Variants in HTRA1 observed in about 807,000 individuals in gnomAD.
The protein encoded by HTRA1 is HtrA serine peptidase 1, also known as serine protease HTRA1.
In HTRA1, 26 loss-of-function variants were observed where a neutral mutation model predicts 49.7. The ratio of observed to expected loss-of-function variants is 0.52; its 90% CI spans 0.38 to 0.73. The LOEUF (loss-of-function observed/expected upper bound fraction) is 0.73, where lower values mean the gene tolerates loss of function less well. HTRA1 is among the 30% of genes least tolerant of loss of function. The pLI, the probability that HTRA1 is intolerant of heterozygous loss-of-function variation, is 0.00. For missense variants in HTRA1, 561 were observed against 667.2 expected (o/e 0.84, Z 1.75); for synonymous variants, 291 against 286.9 (o/e 1.01, Z -0.14).
chr10:122,502,265 C>T (rs2133446214), intron 3 of HTRA1, among the ~76,000 whole-genome samples: 1 of 152,282 alleles, frequency 6.6e-6, no homozygotes, highest in African/African-American at 2.4e-5. Context: ...AGAGAGTTCT[C>T]TTTCACGGAG....
rs748074236 is a variant in HTRA1, at chr10:122,506,733, C to T, written c.820C>T (p.Arg274Trp). 5.0e-6 allele frequency: 8 copies of T among 1,613,492 alleles called. No homozygotes were observed. The highest frequency in any genetic ancestry group is 4.0e-5 in the African/African-American group (3 of 74,920). The stretch of plus-strand genomic sequence containing the variant: ...GCTGCTTGGCCGCTCCTCAGAGCTG[C>T]GGCCGGGAGAGTTCGTGGTCGCCAT... ...VLLLGRSSEL[R>W]PGEFVVAIGS... The change falls in exon 4 of 9, where the codon CGG (arginine) becomes TGG (tryptophan). Residue 274 changes from arginine to tryptophan, a missense_variant. Physicochemically the swap from Arg to Trp is moderately radical, Grantham distance 101. Transcript: ENST00000368984. The surrounding 1 kb of genome is among the most constrained non-coding windows in gnomAD (Gnocchi z 5.2).
chr10:122,480,296 T>A (rs1014156051), intron 1 of HTRA1, among the ~76,000 whole-genome samples: 17 of 152,028 alleles, frequency 1.1e-4, no homozygotes, highest in African/African-American at 4.1e-4. Flanking sequence ...TTCCTACCCA[T>A]CCCAGATGCT....
intron 3 of HTRA1, among the ~76,000 whole-genome samples, chr10:122,496,809 T>C (rs762905484): frequency 6.6e-6 from 1 of 152,188 alleles, no homozygotes; most frequent in Non-Finnish European, 1.5e-5. Context: ...CTTGGACTAA[T>C]TGCAAACTGT....
chr10:122,510,806 A>T (rs1467419399), intron 7 of HTRA1, among the ~76,000 whole-genome samples: 1 of 152,246 alleles, frequency 6.6e-6, no homozygotes, highest in Non-Finnish European at 1.5e-5. Flanking sequence ...ATATAGTAAC[A>T]GATAGATTAA....
intron 1 of HTRA1, among the ~76,000 whole-genome samples, chr10:122,483,706 A>G (rs929098760): frequency 6.6e-6 from 1 of 152,254 alleles, no homozygotes; most frequent in Non-Finnish European, 1.5e-5. Context: ...CTTCTGATCT[A>G]CAAGTGTGGT....
At chr10:122,495,374 G>A (rs1381948506) in intron 3 of HTRA1, among the ~76,000 whole-genome samples, 1 of 152,162 alleles carries the variant, frequency 6.6e-6, no homozygotes, top group Non-Finnish European at 1.5e-5. Flanking sequence ...TTCTATTACT[G>A]TATTGATTTT....
intron 1 of HTRA1, among the ~76,000 whole-genome samples, chr10:122,474,045 G>A (rs540475184): frequency 2.6e-4 from 39 of 152,178 alleles, no homozygotes; most frequent in Non-Finnish European, 4.7e-4. Flanking sequence ...AGGTGATACT[G>A]TTTCCACTGG....
At position 122,506,671 on chromosome 10, in the gene HTRA1, G is replaced by A. The variant is rs74159166; in HGVS notation, c.778-20G>A. 7.5e-3 allele frequency: 12,039 copies of A among 1,607,916 alleles called. 808 individuals are homozygous for A. In the African/African-American group the frequency reaches 0.14, roughly 19 times the overall value. ...GGTTAAATTAAACCAACTCAGCAAC[G>A]CCAGCCATTGTGGTTTCAGGGCAAG... is the stretch of plus-strand genomic sequence containing the variant. On this transcript the variant is annotated intron_variant, in intron 3 of 8. Coordinates refer to ENST00000368984, the MANE Select transcript of HTRA1 (RefSeq NM_002775.5). This position sits in a 1 kb window ranked among gnomAD's most constrained non-coding sequence, Gnocchi z 5.2.
At chr10:122,482,019 A>G (rs2097491235) in intron 1 of HTRA1, among the ~76,000 whole-genome samples, 1 of 152,092 alleles carries the variant, frequency 6.6e-6, no homozygotes, top group African/African-American at 2.4e-5. Context: ...ATGGACTAAT[A>G]CAGTAGTGCA....
At chr10:122,493,698 CT>C (rs1439064441) in intron 3 of HTRA1, among the ~76,000 whole-genome samples, 4 of 152,184 alleles carry the variant, frequency 2.6e-5, no homozygotes, top group Non-Finnish European at 5.9e-5. Flanking sequence ...AGAAAAGCAT[CT>C]TTGGAATCAT....
intron 3 of HTRA1, among the ~76,000 whole-genome samples, chr10:122,492,435 G>C (rs1378628648): frequency 6.6e-6 from 1 of 152,184 alleles, no homozygotes; most frequent in African/African-American, 2.4e-5. Context: ...CAGGACTCAA[G>C]TGATTCTCCT....
chr10:122,499,402 G>T (rs545826242), intron 3 of HTRA1, among the ~76,000 whole-genome samples: 1 of 152,224 alleles, frequency 6.6e-6, no homozygotes, highest in Admixed American at 6.5e-5. Flanking sequence ...TTCTATTTTA[G>T]TACCTTTAAC....
chr10:122,512,063 A>T lies in HTRA1; in HGVS notation c.1272A>T (p.Glu424Asp). Residue 424 changes from glutamate (E) to aspartate (D), a missense_variant and splice_region_variant, in exon 8 of 9, where the codon GAA becomes GAT. Around this residue, in one of 3 missense-constraint regions of HTRA1, gnomAD observed 179 missense variants for 173.4 expected, o/e 1.03. Coordinates refer to ENST00000368984, the MANE Select transcript of HTRA1 (RefSeq NM_002775.5). The part of the protein sequence containing the change: ...IIEVIPDTPA[E>D]AGGLKENDVI... ...AAGTAATTCCTGATACCCCAGCAGA[A>T]GCGTGAGTTGGAGTCGTTTTCTCTT... The T allele has an allele frequency of 6.3e-7, 1 of 1,594,752 alleles. No homozygotes were observed. The highest frequency in any genetic ancestry group is 1.1e-5 in the South Asian group (1 of 90,672).
chr10:122,503,944 G>C (rs371483676), intron 3 of HTRA1, among the ~76,000 whole-genome samples: 1 of 152,186 alleles, frequency 6.6e-6, no homozygotes, highest in Middle Eastern at 3.2e-3. Flanking sequence ...ACATTTCCTC[G>C]TCTGTGTTCA....
chr10:122,496,240 T>G (rs1244251431), intron 3 of HTRA1, among the ~76,000 whole-genome samples: 1 of 102,528 alleles, frequency 9.8e-6, no homozygotes, highest in Non-Finnish European at 2.0e-5. Context: ...TTTTTTTTTT[T>G]TTTTTTTTTT....
At chr10:122,473,091 G>T (rs558130290) in intron 1 of HTRA1, among the ~76,000 whole-genome samples, 3 of 152,288 alleles carry the variant, frequency 2.0e-5, no homozygotes, top group African/African-American at 7.2e-5. Flanking sequence ...TGGTCTTACA[G>T]GTTACTTTTA....
chr10:122,495,257 C>T (rs919478590), intron 3 of HTRA1, among the ~76,000 whole-genome samples: 5 of 152,222 alleles, frequency 3.3e-5, no homozygotes, highest in South Asian at 2.1e-4. Flanking sequence ...TTTCCCCCAA[C>T]GCCTTCTGTA....
At chr10:122,462,728 C>A (rs2097482080) in intron 1 of HTRA1, among the ~76,000 whole-genome samples, 1 of 152,236 alleles carries the variant, frequency 6.6e-6, no homozygotes, top group Non-Finnish European at 1.5e-5. Context: ...GGCGGCGTTG[C>A]TGCCTGTCTT....
chr10:122,514,461 T>G lies in HTRA1; in HGVS notation c.*102T>G. ...GAATAGGACACTCAAGACTTTTGAC[T>G]GCCATTTTGTTTGTTCAGTGGAGAC... On this transcript the variant is annotated 3_prime_UTR_variant, in exon 9 of 9. Transcript: ENST00000368984. The G allele has an allele frequency of 2.5e-6, 3 of 1,187,016 alleles. No individual in the cohort carries two copies. Among genetic ancestry groups the G allele is most frequent in the Non-Finnish European group, 3.8e-6 (3 of 799,426 alleles). The allele number at this position is 1,187,016 out of a possible 1,614,324, so 73.5% of individuals were successfully genotyped here.
Sources: gnomAD v4.1 joint callset for allele counts (sites outside exome capture counted in the v4.1 genomes callset) on GRCh38, gnomAD v4.1.1 for gene constraint, gnomAD v4.1.1 regional missense constraint, Gnocchi (gnomAD v3.1) non-coding constraint, MANE v1.5 for transcripts, NCBI Gene and HGNC (gene_info 2026-07-23, HGNC 2026-07-21) for gene names.